Variants in TOR3A observed in about 807,000 individuals in gnomAD.
TOR3A encodes torsin family 3 member A, also known as torsin-3A.
TOR3A carries 44 observed loss-of-function variants against 42.1 expected under a neutral mutation model. The ratio of observed to expected loss-of-function variants is 1.04; its 90% confidence interval spans 0.82 to 1.34. TOR3A has a LOEUF of 1.34. Ranked by LOEUF, TOR3A falls within the 40% of genes most tolerant of loss-of-function variation. The pLI, the probability that TOR3A is intolerant of heterozygous loss-of-function variation, is 0.00. For missense variants in TOR3A, 521 were observed against 507.6 expected, an observed-to-expected ratio of 1.03 and a Z score of -0.25; for synonymous variants, 227 against 213.2, an observed-to-expected ratio of 1.06 and a Z score of -0.57.
rs900840532 is a variant in TOR3A at position 179,095,393 on chromosome 1, C to G, written c.*175C>G. 15 of 1,459,392 alleles carry G rather than the reference C, an allele frequency of 1.0e-5. No individual in the cohort carries two copies. In the African/African-American group the frequency reaches 1.6e-4, roughly 15 times the overall value. 90.4% of individuals were successfully genotyped at this position (1,459,392 alleles called of 1,614,324 possible). On this transcript the variant is annotated 3_prime_UTR_variant, in exon 6 of 6. Coordinates refer to ENST00000367627, the MANE Select transcript of TOR3A (RefSeq NM_022371.4). ...GCAGGCCTTACATTAGAAGCCAAGC[C>G]AATCCTTTTTCTTTTTTTTGGAGGT... is the stretch of plus-strand genomic sequence containing the variant.
chr1:179,095,411 T>TGA lies in TOR3A; in HGVS notation c.*193_*194insGA. On this transcript the variant is annotated 3_prime_UTR_variant, in exon 6 of 6. Transcript: ENST00000367627. ...GCCAAGCCAATCCTTTTTCTTTTTT[T>TGA]TGGAGGTCCCACCGAGATAGATAGG... The TGA allele has an allele frequency of 7.3e-7, 1 of 1,376,200 alleles. No homozygotes were observed. Among genetic ancestry groups the TGA allele is most frequent in the Non-Finnish European group, 9.4e-7 (1 of 1,067,004 alleles). 85.2% of individuals were successfully genotyped at this position (1,376,200 alleles called of 1,614,324 possible).
intron 2 of TOR3A, among the ~76,000 whole-genome samples, chr1:179,084,848 TACA>T (rs1379247607): frequency 6.6e-6 from 1 of 152,230 alleles, no homozygotes; most frequent in Non-Finnish European, 1.5e-5. Flanking sequence ...CTCCAAATCC[TACA>T]ACCTCACGTC....
intron 3 of TOR3A, 54 bp downstream of exon 3, chr1:179,085,947 T>C: frequency 1.3e-6 from 2 of 1,578,548 alleles, no homozygotes; most frequent in East Asian, 2.2e-5. Context: ...GAGACCCTTC[T>C]GCCAGCCCTT....
chr1:179,082,128 C>G lies in TOR3A; in HGVS notation c.-1C>G. 6.7e-7 allele frequency: 1 copy of G among 1,494,052 alleles called. No individual in the cohort carries two copies. The highest frequency in any genetic ancestry group is 2.7e-5 in the East Asian group (1 of 36,988). The allele number at this position is 1,494,052 out of a possible 1,614,324, so 92.5% of individuals were successfully genotyped here. A position where few individuals can be genotyped will look rare whatever the true frequency, so the allele number is the denominator to read the frequency against. ...GATGGTCCCGCAGCTCGGGGCCGGC[C>G]ATGCTTCGCGGTCCGTGGCGCCAGC... On this transcript the variant is annotated 5_prime_UTR_variant, in exon 1 of 6. Coordinates refer to ENST00000367627, the MANE Select transcript of TOR3A (RefSeq NM_022371.4).
rs552406550 is a variant in TOR3A at position 179,084,445 on chromosome 1, C to T, written c.374-1183C>T. 2.2e-3 allele frequency among the ~76,000 whole-genome samples: 336 copies of T among 152,106 alleles called. 1 individual carries two copies. Among genetic ancestry groups the T allele is most frequent in the Middle Eastern group, 6.8e-3 (2 of 294 alleles). The stretch of plus-strand genomic sequence containing the variant: ...TTCACCATGTTGGCTAGGCTGGTCT[C>T]GAACTCCTGACCTCGTGATCCGCCC... On this transcript the variant is annotated intron_variant, in intron 2 of 5. Transcript: ENST00000367627.
At chr1:179,085,605 G>T in intron 2 of TOR3A, 23 bp from the exon 3 acceptor site, 1 of 1,609,868 alleles carries the variant, frequency 6.2e-7, no homozygotes, top group South Asian at 1.1e-5. Flanking sequence ...CTTTTGCTGT[G>T]ACTACCTCTT....
intron 5 of TOR3A, 142 bp from the exon 6 acceptor site, chr1:179,094,826 C>T: frequency 1.3e-6 from 1 of 781,948 alleles, no homozygotes; most frequent in Non-Finnish European, 2.1e-6. Flanking sequence ...TGCAAGGAGC[C>T]CAGATCTCAC....
At chr1:179,086,582 C>T (rs956641941) in intron 3 of TOR3A, among the ~76,000 whole-genome samples, 4 of 150,488 alleles carry the variant, frequency 2.7e-5, no homozygotes, top group Middle Eastern at 3.4e-3. Context: ...CGGAGAATGG[C>T]GTGAACCCGG....
intron 3 of TOR3A, 122 bp downstream of exon 3, chr1:179,086,015 C>G: frequency 7.9e-7 from 1 of 1,270,316 alleles, no homozygotes; most frequent in Non-Finnish European, 1.1e-6. Flanking sequence ...GTGGCAGAAC[C>G]TGTGACAGAG....
At position 179,086,172 on chromosome 1, in the gene TOR3A, T is replaced by G. The variant is rs149710492; in HGVS notation, c.639+279T>G. 6.5e-3 allele frequency among the ~76,000 whole-genome samples: 994 copies of G among 152,316 alleles called. 11 individuals are homozygous for G. The highest frequency in any genetic ancestry group is 0.023 in the African/African-American group (946 of 41,580). On this transcript the variant is annotated intron_variant, in intron 3 of 5. Transcript: ENST00000367627. Reference sequence around the variant, plus strand: ...GGACGCTGCATGTTGATTTTTGTTGTAGAAGTAGTGAAATGTCACAGACTG... The same window carrying G: ...GGACGCTGCATGTTGATTTTTGTTGGAGAAGTAGTGAAATGTCACAGACTG...
rs1652481658 is a variant in TOR3A at position 179,088,019 on chromosome 1, CCA to C, written c.752_753del (p.His251LeufsTer7). On this transcript the variant is annotated frameshift_variant, in exon 4 of 6. Coordinates refer to ENST00000367627, the MANE Select transcript of TOR3A (RefSeq NM_022371.4). LOFTEE classifies it high-confidence loss of function. ...CCCAGGGCTGCTGGAGGTCCTTGGG[CCA>C]CACTTAGAACGCCGGGCCCCTGAGG... Reference protein sequence around the residue: ...LHPGLLEVLGPHLERRAPEGH... With the variant: ...LHPGLLEVLGXHLERRAPEGH... 6.2e-7 allele frequency: 1 copy of C among 1,613,614 alleles called. No individual in the cohort carries two copies. Among genetic ancestry groups the C allele is most frequent in the Non-Finnish European group, 8.5e-7 (1 of 1,179,780 alleles).
At position 179,086,896 on chromosome 1, in the gene TOR3A, T is replaced by G. The variant is rs981441861; in HGVS notation, c.639+1003T>G. ...TGGCTTTGTTTTAATATTTGGAATG[T>G]GTTCACCTGGGAAGATTATGTCAGC... On this transcript the variant is annotated intron_variant, in intron 3 of 5. Transcript: ENST00000367627. Among the ~76,000 whole-genome samples the G allele has an allele frequency of 3.3e-5, 5 of 152,162 alleles. No homozygotes were observed. In the South Asian group the frequency reaches 6.2e-4, roughly 19 times the overall value.
chr1:179,092,884 G>T (rs973416738), intron 4 of TOR3A, among the ~76,000 whole-genome samples: 1 of 152,052 alleles, frequency 6.6e-6, no homozygotes, highest in African/African-American at 2.4e-5. Flanking sequence ...TGTACCTGCA[G>T]TCTCAGCTAC....
chr1:179,086,137 G>T (rs867466521), intron 3 of TOR3A, among the ~76,000 whole-genome samples: 1 of 152,188 alleles, frequency 6.6e-6, no homozygotes, highest in African/African-American at 2.4e-5. Context: ...TGGACACTGC[G>T]CTTAAGCAGG....
Position 179,082,101 on chromosome 1 carries a change from CG to C in TOR3A, c.-26del. 2.1e-6 allele frequency: 3 copies of C among 1,441,526 alleles called. No individual in the cohort carries two copies. Among genetic ancestry groups the C allele is most frequent in the Non-Finnish European group, 2.7e-6 (3 of 1,110,330 alleles). 89.3% of individuals were successfully genotyped at this position (1,441,526 alleles called of 1,614,324 possible). A position where few individuals can be genotyped will look rare whatever the true frequency, so the allele number is the denominator to read the frequency against. The stretch of plus-strand genomic sequence containing the variant: ...AAGGGAGCCTGGCTAGGCCGGCAGC[CG>C]GATGGTCCCGCAGCTCGGGGCCGGC... On this transcript the variant is annotated 5_prime_UTR_variant, in exon 1 of 6. Transcript: ENST00000367627.
rs1652719600 is a variant in TOR3A, at chr1:179,095,583, C to CTTA, written c.*370_*372dup. 1 of 1,115,722 alleles carries CTTA rather than the reference C, an allele frequency of 9.0e-7. No individual in the cohort carries two copies. The highest frequency in any genetic ancestry group is 4.7e-5 in the Admixed American group (1 of 21,284). The allele number at this position is 1,115,722 out of a possible 1,614,324, so 69.1% of individuals were successfully genotyped here. A position where few individuals can be genotyped will look rare whatever the true frequency, so the allele number is the denominator to read the frequency against. On this transcript the variant is annotated 3_prime_UTR_variant, in exon 6 of 6. Coordinates refer to ENST00000367627, the MANE Select transcript of TOR3A (RefSeq NM_022371.4). ...GTGGGAGCTCAGCAAATCCCAAGGG[C>CTTA]TTATTATGACACTCCAGATGGTCTC...
Position 179,082,252 on chromosome 1 carries a change from TG to T in TOR3A, c.126del (p.Trp42CysfsTer60), listed in dbSNP as rs756616663. On this transcript the variant is annotated frameshift_variant, in exon 1 of 6. Coordinates refer to ENST00000367627, the MANE Select transcript of TOR3A (RefSeq NM_022371.4). LOFTEE classifies it high-confidence loss of function. ...GTDEPGSAWA[W>X]PGFQRLQEQL... ...CGACGAGCCGGGCTCGGCCTGGGCC[TG>T]GCCGGGCTTCCAGCGCCTGCAGGAG... is the stretch of plus-strand genomic sequence containing the variant. 6 of 1,548,572 alleles carry T rather than the reference TG, an allele frequency of 3.9e-6. No individual in the cohort carries two copies. The South Asian group carries it at 7.1e-5, about 18-fold the overall frequency.
At position 179,093,967 on chromosome 1, in the gene TOR3A, A is replaced by G. The variant is rs981878025; in HGVS notation, c.819-126A>G. 6.5e-6 allele frequency: 8 copies of G among 1,228,026 alleles called. No homozygotes were observed. In the African/African-American group the frequency reaches 7.6e-5, roughly 12 times the overall value. The allele number at this position is 1,228,026 out of a possible 1,614,324, so 76.1% of individuals were successfully genotyped here. ...AGGTTGTGACAAGGTCTCCTGGAAGAGAGAGAAGGTCCACGCCCCTCAGCC... is the reference window on the plus strand; with the variant it reads ...AGGTTGTGACAAGGTCTCCTGGAAGGGAGAGAAGGTCCACGCCCCTCAGCC... On this transcript the variant is annotated intron_variant, in intron 4 of 5. Coordinates refer to ENST00000367627, the MANE Select transcript of TOR3A (RefSeq NM_022371.4).
chr1:179,082,915 G>T (rs748957611), intron 1 of TOR3A, 25 bp from the exon 2 acceptor site: 7 of 1,494,444 alleles, frequency 4.7e-6, no homozygotes, highest in Non-Finnish European at 6.4e-6. Flanking sequence ...GTCTCCTCTC[G>T]GTCTCACAGC....
Sources: allele counts gnomAD v4.1 joint callset (sites outside exome capture counted in the v4.1 genomes callset), GRCh38; gene constraint gnomAD v4.1.1; transcripts MANE v1.5; gene names NCBI Gene and HGNC (gene_info 2026-07-23, HGNC 2026-07-21).